The following RAI1 variants were observed in gnomAD, a reference collection of about 807,000 sequenced individuals.
RAI1 encodes the protein retinoic acid induced 1.
In RAI1, 9 loss-of-function variants were observed where a neutral mutation model predicts 123.8. That is an observed-to-expected ratio of 0.07 (90% CI 0.04 to 0.13). The LOEUF is 0.13. Ranked by LOEUF, RAI1 falls within the 10% of genes least tolerant of loss-of-function variation. The probability of loss-of-function intolerance (pLI) is 1.00; values close to 1 mark genes in which losing one functional copy is unlikely to be tolerated. For missense variants in RAI1, 2,256 were observed against 2,545.8 expected (o/e 0.89, Z 2.45); for synonymous variants, 1,231 against 1,127.3 (o/e 1.09, Z -1.84).
intron 1 of RAI1, among the ~76,000 whole-genome samples, chr17:17,694,944 G>T (rs935774329): frequency 5.3e-5 from 8 of 152,128 alleles, no homozygotes; most frequent in Non-Finnish European, 8.8e-5. Flanking sequence ...GGGCCAGGCG[G>T]CGCGCATCTC....
rs1477750755 is a variant in RAI1 at position 17,714,616 on chromosome 17, T to C, written c.-148-9412T>C. On this transcript the variant is annotated intron_variant, in intron 1 of 5. Transcript: ENST00000353383. This position sits in a 1 kb window ranked among gnomAD's most constrained non-coding sequence, Gnocchi z 4.9. ...TTCCCCATTTTAAAGGTGAAAAACC[T>C]GAGGCTCAGAAACGTAACGGGAAGC... is the stretch of plus-strand genomic sequence containing the variant. 6.6e-6 allele frequency among the ~76,000 whole-genome samples: 1 copy of C among 152,182 alleles called. No homozygotes were observed. Among genetic ancestry groups the C allele is most frequent in the Non-Finnish European group, 1.5e-5 (1 of 68,032 alleles).
In RAI1 at chr17:17,796,745, C is replaced by T. The variant is rs1305388394; in HGVS notation, c.3797C>T (p.Ser1266Phe). 6.2e-7 allele frequency: 1 copy of T among 1,613,402 alleles called. No homozygotes were observed. The highest frequency in any genetic ancestry group is 8.5e-7 in the Non-Finnish European group (1 of 1,179,846). The change falls in exon 3 of 6, where the codon TCC becomes TTC. Residue 1266 changes from serine (S) to phenylalanine (F), a missense_variant. Ser to Phe is a radical substitution (Grantham distance 155). Coordinates refer to ENST00000353383, the MANE Select transcript of RAI1 (RefSeq NM_030665.4). This position sits in a 1 kb window ranked among gnomAD's most constrained non-coding sequence, Gnocchi z 5.8. ...GDGKEERPEG[S>F]PTLFKRMSSP... ...GGGAAGGAGGAGAGGCCTGAGGGTT[C>T]CCCCACCCTCTTCAAGAGGATGTCT...
intron 4 of RAI1, among the ~76,000 whole-genome samples, chr17:17,807,196 C>T (rs1420922895): frequency 8.1e-6 from 1 of 122,868 alleles, no homozygotes; most frequent in Non-Finnish European, 1.7e-5. Context: ...GCGGGGAGGA[C>T]GGGCGCTTGG....
At chr17:17,733,079 C>T (rs1323332543) in intron 2 of RAI1, among the ~76,000 whole-genome samples, 1 of 152,230 alleles carries the variant, frequency 6.6e-6, no homozygotes, top group East Asian at 1.9e-4. Context: ...GGGACTGCCA[C>T]CTTCTGAGTC....
chr17:17,757,701 C>G (rs747607543), intron 2 of RAI1, among the ~76,000 whole-genome samples: 30 of 152,228 alleles, frequency 2.0e-4, no homozygotes, highest in Non-Finnish European at 4.1e-4. Context: ...CGCCTGTAAT[C>G]AGCCCCACAC....
At chr17:17,769,247 C>T (rs1227288772) in intron 2 of RAI1, among the ~76,000 whole-genome samples, 2 of 152,238 alleles carry the variant, frequency 1.3e-5, no homozygotes, top group East Asian at 1.9e-4. Context: ...AGCTGGGTCA[C>T]CCTCAGGGCT....
At chr17:17,763,178 C>T (rs781710611) in intron 2 of RAI1, among the ~76,000 whole-genome samples, 1 of 152,222 alleles carries the variant, frequency 6.6e-6, no homozygotes, top group Non-Finnish European at 1.5e-5. Flanking sequence ...GGAATGGCAG[C>T]CCCTGGAAGT....
intron 1 of RAI1, among the ~76,000 whole-genome samples, chr17:17,722,129 A>T (rs1375090240): frequency 6.6e-6 from 1 of 152,132 alleles, no homozygotes; most frequent in African/African-American, 2.4e-5. Context: ...TGAGACAGAC[A>T]GACTCACTGG....
Position 17,794,842 on chromosome 17 carries a change from C to G in RAI1, c.1894C>G (p.Leu632Val). The change falls in exon 3 of 6, where the codon CTG becomes GTG. Residue 632 changes from leucine (L) to valine (V), a missense_variant. By Grantham distance (32) the Leu-to-Val change is conservative (BLOSUM62 1). Around this residue, in one of 7 missense-constraint regions of RAI1, gnomAD observed 566 missense variants for 616.0 expected, o/e 0.92. Coordinates refer to ENST00000353383, the MANE Select transcript of RAI1 (RefSeq NM_030665.4). ...CAAAGCTTGGGCTGAAGCACCCAGC[C>G]TGGTCAAGGACAGCAGCAAGCCACC... ...ADKAWAEAPS[L>V]VKDSSKPPFS... 1 of 1,613,238 alleles carries G rather than the reference C, an allele frequency of 6.2e-7. No homozygotes were observed. Among genetic ancestry groups the G allele is most frequent in the Non-Finnish European group, 8.5e-7 (1 of 1,180,000 alleles).
chr17:17,690,635 C>A (rs1007042772), intron 1 of RAI1, among the ~76,000 whole-genome samples: 1 of 152,118 alleles, frequency 6.6e-6, no homozygotes, highest in Admixed American at 6.5e-5. Context: ...GTCCTGGGCA[C>A]AGAATAGTGT....
At chr17:17,783,999 TTC>T (rs1488342015) in intron 2 of RAI1, among the ~76,000 whole-genome samples, 4 of 152,178 alleles carry the variant, frequency 2.6e-5, no homozygotes, top group African/African-American at 9.7e-5. Flanking sequence ...TTTTCTCTCC[TTC>T]TCTCTTCCAA....
chr17:17,722,251 G>C (rs1258964832), intron 1 of RAI1, among the ~76,000 whole-genome samples: 1 of 152,216 alleles, frequency 6.6e-6, no homozygotes. Context: ...GTGGGTGGAT[G>C]CAGCGACGGA....
intron 2 of RAI1, among the ~76,000 whole-genome samples, chr17:17,787,027 G>A (rs917310827): frequency 1.3e-5 from 2 of 152,232 alleles, no homozygotes; most frequent in African/African-American, 4.8e-5. Flanking sequence ...GGCAACAGGA[G>A]GGAAACTCTG....
Position 17,794,488 on chromosome 17 carries a change from G to A in RAI1, c.1540G>A (p.Glu514Lys), listed in dbSNP as rs779226463. 1.2e-6 allele frequency: 2 copies of A among 1,612,032 alleles called. No individual in the cohort carries two copies. Among genetic ancestry groups the A allele is most frequent in the East Asian group, 2.2e-5 (1 of 44,864 alleles). ...ACAGTCCACGCATGCGGAGCCGCAG[G>A]AGGCCGACTACCTGAGCGGCTCCGA... ...TPQSTHAEPQ[E>K]ADYLSGSEDP... Residue 514 changes from glutamate to lysine, a missense_variant, in exon 3 of 6, where the codon GAG (glutamate) becomes AAG (lysine). Coordinates refer to ENST00000353383, the MANE Select transcript of RAI1 (RefSeq NM_030665.4).
intron 1 of RAI1, among the ~76,000 whole-genome samples, chr17:17,723,718 C>G (rs906800900): frequency 2.7e-5 from 4 of 149,218 alleles, no homozygotes; most frequent in African/African-American, 7.4e-5. Context: ...TCCCTTCCCC[C>G]GAGTCTGGGG....
At chr17:17,808,541 A>G (rs185409554) in intron 4 of RAI1, among the ~76,000 whole-genome samples, 1 of 151,760 alleles carries the variant, frequency 6.6e-6, no homozygotes, top group African/African-American at 2.4e-5. Flanking sequence ...TCCGCCTCCC[A>G]GGCTCAAGTG....
rs867293805 is a variant in RAI1, at chr17:17,797,572, C to T, written c.4624C>T (p.Arg1542Trp). Residue 1542 changes from arginine (R) to tryptophan (W), a missense_variant, in exon 3 of 6, where the codon CGG becomes TGG. Physicochemically the swap from Arg to Trp is moderately radical, Grantham distance 101. This residue lies in a region of RAI1 where 410 missense variants were observed against 374.6 expected (regional missense o/e 1.09). Transcript: ENST00000353383. The stretch of plus-strand genomic sequence containing the variant: ...CTATTCCAAGCGGAAGCGCCTCACT[C>T]GGGGCCGGGCCAAGAACACCACCTC... ...SSYSKRKRLTRGRAKNTTSSP... is the reference protein window; with the variant it reads ...SSYSKRKRLTWGRAKNTTSSP... 1.2e-5 allele frequency: 19 copies of T among 1,613,970 alleles called. No homozygotes were observed. The highest frequency in any genetic ancestry group is 2.2e-5 in the East Asian group (1 of 44,890).
At chr17:17,736,851 G>T (rs151141650) in intron 2 of RAI1, among the ~76,000 whole-genome samples, 102 of 152,334 alleles carry the variant, frequency 6.7e-4, no homozygotes, top group African/African-American at 2.2e-3. Flanking sequence ...ACTTCTGGAA[G>T]TGGTGTGTTT....
intron 2 of RAI1, among the ~76,000 whole-genome samples, chr17:17,767,016 G>A (rs1428431819): frequency 6.6e-6 from 1 of 152,124 alleles, no homozygotes; most frequent in Non-Finnish European, 1.5e-5. Context: ...GTGAGGGCCA[G>A]AGTGGAGACT....
Sources: allele counts gnomAD v4.1 joint callset (sites outside exome capture counted in the v4.1 genomes callset), GRCh38; gene constraint gnomAD v4.1.1; regional missense constraint gnomAD v4.1.1; non-coding constraint Gnocchi (gnomAD v3.1); transcripts MANE v1.5; gene names NCBI Gene and HGNC (gene_info 2026-07-23, HGNC 2026-07-21).